Variants in OLFM2 observed in about 807,000 individuals in gnomAD.
The protein encoded by OLFM2 is olfactomedin 2.
OLFM2 carries 20 observed loss-of-function variants against 43.9 expected under a neutral mutation model. That is an observed-to-expected ratio of 0.46 (90% CI 0.32 to 0.66). The LOEUF (loss-of-function observed/expected upper bound fraction) is 0.66. Ranked by LOEUF, OLFM2 falls within the 30% of genes least tolerant of loss-of-function variation. OLFM2 has a pLI of 0.04. For missense variants in OLFM2, 416 were observed against 643.6 expected (o/e 0.65, Z 3.83); for synonymous variants, 268 against 278.6 (o/e 0.96, Z 0.38).
At chr19:9,922,965 C>A (rs2086430139) in intron 1 of OLFM2, among the ~76,000 whole-genome samples, 1 of 151,124 alleles carries the variant, frequency 6.6e-6, no homozygotes, top group Non-Finnish European at 1.5e-5. Context: ...AAAGACAACA[C>A]CAAGTGTTGG....
At chr19:9,914,842 C>T (rs1460907857) in intron 1 of OLFM2, among the ~76,000 whole-genome samples, 1 of 152,052 alleles carries the variant, frequency 6.6e-6, no homozygotes, top group Non-Finnish European at 1.5e-5. Context: ...GTCCCCGCAT[C>T]ACCTCGCTCC....
chr19:9,933,798 C>G (rs1202886248), intron 1 of OLFM2, among the ~76,000 whole-genome samples: 2 of 152,148 alleles, frequency 1.3e-5, no homozygotes, highest in African/African-American at 2.4e-5. Flanking sequence ...CTCAGGCGAT[C>G]CACTTGCCTC....
intron 1 of OLFM2, 143 bp downstream of exon 1, chr19:9,936,161 T>TCCCCCGCTGCGA: frequency 1.6e-6 from 1 of 626,064 alleles, no homozygotes; most frequent in East Asian, 6.5e-5. Flanking sequence ...TCCCGGCCCC[T>TCCCCCGCTGCGA]CCCCCGCTGC....
chr19:9,922,104 A>G (rs1254690179), intron 1 of OLFM2, among the ~76,000 whole-genome samples: 2 of 152,154 alleles, frequency 1.3e-5, no homozygotes, highest in East Asian at 1.9e-4. Context: ...AAAAAAAAAA[A>G]AAAGAAATGA....
chr19:9,860,567 A>T, intron 2 of OLFM2, 78 bp downstream of exon 2: 1 of 1,502,228 alleles, frequency 6.7e-7, no homozygotes, highest in South Asian at 1.2e-5. Flanking sequence ...CCACTGGCTG[A>T]CCTGGATGGG....
chr19:9,926,717 C>T (rs1359050702), intron 1 of OLFM2, among the ~76,000 whole-genome samples: 12 of 152,138 alleles, frequency 7.9e-5, no homozygotes, highest in Non-Finnish European at 1.5e-4. Context: ...CAGTGGCTCA[C>T]GCCTGTAATC....
At chr19:9,904,492 A>C (rs1317437286) in intron 1 of OLFM2, among the ~76,000 whole-genome samples, 1 of 151,770 alleles carries the variant, frequency 6.6e-6, no homozygotes, top group Non-Finnish European at 1.5e-5. Flanking sequence ...TGCCCAGCCC[A>C]GTCTGAGTAT....
At chr19:9,862,469 T>C (rs934814491) in intron 1 of OLFM2, among the ~76,000 whole-genome samples, 8 of 150,850 alleles carry the variant, frequency 5.3e-5, no homozygotes, top group Non-Finnish European at 1.2e-4. Flanking sequence ...GTCAGGAGTT[T>C]AAGGCCACCC....
chr19:9,857,936 T>A lies in OLFM2; in HGVS notation c.214-75A>T, dbSNP rs1374346489. 6.3e-7 allele frequency: 1 copy of A among 1,593,588 alleles called. No homozygotes were observed. The highest frequency in any genetic ancestry group is 8.6e-7 in the Non-Finnish European group (1 of 1,164,606). On this transcript the variant is annotated intron_variant, in intron 2 of 5. Coordinates refer to ENST00000264833, the MANE Select transcript of OLFM2 (RefSeq NM_058164.4). This position sits in a 1 kb window ranked among gnomAD's most constrained non-coding sequence, Gnocchi z 5.7. ...ACCCAGAGATGCCACAGACAAGAGC[T>A]GGCAGGAACAGAGGCTGTACAAACA...
intron 1 of OLFM2, among the ~76,000 whole-genome samples, chr19:9,871,533 A>T (rs1599471661): frequency 1.3e-5 from 2 of 149,452 alleles, no homozygotes; most frequent in East Asian, 3.9e-4. Flanking sequence ...AGATCCCGCC[A>T]TTGCACTCCA....
chr19:9,930,639 G>A (rs1426137642), intron 1 of OLFM2, among the ~76,000 whole-genome samples: 1 of 151,700 alleles, frequency 6.6e-6, no homozygotes, highest in East Asian at 1.9e-4. Flanking sequence ...GAGGTCTGGA[G>A]TTCGAGACCA....
chr19:9,878,813 A>G (rs548587617), intron 1 of OLFM2, among the ~76,000 whole-genome samples: 1 of 152,152 alleles, frequency 6.6e-6, no homozygotes, highest in Non-Finnish European at 1.5e-5. Context: ...GAAGCACAGA[A>G]CACTGGAAGA....
At chr19:9,874,903 T>C (rs2046472477) in intron 1 of OLFM2, among the ~76,000 whole-genome samples, 2 of 152,174 alleles carry the variant, frequency 1.3e-5, no homozygotes, top group Admixed American at 1.3e-4. Context: ...CATGAGACAC[T>C]GCACCCGTCC....
rs1306228590 is a variant in OLFM2 at position 9,936,508 on chromosome 19, T to TCCGCCCCACCC, written c.-143_-142insGGGTGGGGCGG. ...CCCCCGCCTCGCCGGCGGCCGGGAT[T>TCCGCCCCACCC]CCGCCCCACCCCCGCCCCCTCGCTC... On this transcript the variant is annotated 5_prime_UTR_variant, in exon 1 of 6. Transcript: ENST00000264833. 5.0e-6 allele frequency: 2 copies of TCCGCCCCACCC among 397,652 alleles called. No individual in the cohort carries two copies. The highest frequency in any genetic ancestry group is 6.7e-6 in the Non-Finnish European group (2 of 296,958). 24.6% of individuals were successfully genotyped at this position (397,652 alleles called of 1,614,324 possible). A position where few individuals can be genotyped will look rare whatever the true frequency, so the allele number is the denominator to read the frequency against.
At chr19:9,934,334 G>A (rs910215900) in intron 1 of OLFM2, among the ~76,000 whole-genome samples, 8 of 152,112 alleles carry the variant, frequency 5.3e-5, no homozygotes, top group Non-Finnish European at 1.2e-4. Context: ...ACCTCATTTG[G>A]CCACGCCCCC....
At chr19:9,870,932 G>A (rs1035287512) in intron 1 of OLFM2, among the ~76,000 whole-genome samples, 6 of 152,026 alleles carry the variant, frequency 3.9e-5, no homozygotes, top group Non-Finnish European at 5.9e-5. Context: ...ACAGTGGCTC[G>A]CATCTGTAAT....
intron 1 of OLFM2, among the ~76,000 whole-genome samples, chr19:9,921,058 C>T (rs1041639828): frequency 6.6e-5 from 10 of 152,132 alleles, no homozygotes; most frequent in Admixed American, 4.6e-4. Context: ...TCATTTAACC[C>T]TCAGAATACC....
At chr19:9,875,874 G>T (rs1295959763) in intron 1 of OLFM2, among the ~76,000 whole-genome samples, 1 of 152,028 alleles carries the variant, frequency 6.6e-6, no homozygotes, top group Non-Finnish European at 1.5e-5. Flanking sequence ...CCAAAAGCCT[G>T]CCTTGGGTAC....
intron 1 of OLFM2, among the ~76,000 whole-genome samples, chr19:9,885,793 T>A (rs2081058): frequency 9.9e-5 from 15 of 151,920 alleles, no homozygotes; most frequent in African/African-American, 2.2e-4. Flanking sequence ...ACCCCTGCCC[T>A]GACTTTCAAT....
Sources: allele counts gnomAD v4.1 joint callset (sites outside exome capture counted in the v4.1 genomes callset), GRCh38; gene constraint gnomAD v4.1.1; non-coding constraint Gnocchi (gnomAD v3.1); transcripts MANE v1.5; gene names NCBI Gene and HGNC (gene_info 2026-07-23, HGNC 2026-07-21).